Variants in EIF4E observed in about 807,000 individuals in gnomAD.
EIF4E encodes eIF-4F 25 kDa subunit.
For missense variants in EIF4E, 113 were observed against 265.6 expected (o/e 0.43, Z 3.99); for synonymous variants, 71 against 88.5 (o/e 0.80, Z 1.11).
intron 1 of EIF4E, chr4:98,909,522 C>A (rs912452556): frequency 6.6e-6 from 4 of 605,070 alleles, no homozygotes; most frequent in Non-Finnish European, 1.2e-5. Context: ...AAAAAACACC[C>A]TGTACATAAA....
At chr4:98,884,292 G>A (rs543543608) in intron 6 of EIF4E, among the ~76,000 whole-genome samples, 31 of 152,212 alleles carry the variant, frequency 2.0e-4, no homozygotes, top group African/African-American at 7.0e-4. Flanking sequence ...CACTTTCAAA[G>A]TAGGAAATAA....
At chr4:98,910,240 A>C (rs1234578070) in intron 1 of EIF4E, among the ~76,000 whole-genome samples, 2 of 152,198 alleles carry the variant, frequency 1.3e-5, no homozygotes, top group Non-Finnish European at 2.9e-5. Flanking sequence ...TTAACCGAGA[A>C]AGTTGAAATA....
chr4:98,919,645 G>A (rs565552786), intron 1 of EIF4E, among the ~76,000 whole-genome samples: 3 of 144,126 alleles, frequency 2.1e-5, no homozygotes, highest in Admixed American at 1.5e-4. Flanking sequence ...TGCAACCTCC[G>A]CCTCCCAGGT....
At chr4:98,908,875 G>A (rs542496925) in intron 1 of EIF4E, among the ~76,000 whole-genome samples, 4 of 152,238 alleles carry the variant, frequency 2.6e-5, no homozygotes, top group East Asian at 1.9e-4. Context: ...CAGGGTTTAC[G>A]GCTAAGAACA....
intron 1 of EIF4E, among the ~76,000 whole-genome samples, chr4:98,911,857 A>T (rs1456474084): frequency 1.3e-5 from 2 of 150,866 alleles, no homozygotes. Context: ...AGACACAAGA[A>T]ATAACAGATG....
At chr4:98,908,825 G>A (rs1028434205) in intron 1 of EIF4E, among the ~76,000 whole-genome samples, 1 of 152,136 alleles carries the variant, frequency 6.6e-6, no homozygotes, top group Non-Finnish European at 1.5e-5. Flanking sequence ...CAAATCTGAA[G>A]TCCTGGAAAA....
chr4:98,911,944 A>G (rs189191946), intron 1 of EIF4E, among the ~76,000 whole-genome samples: 256 of 151,754 alleles, frequency 1.7e-3, no homozygotes, highest in African/African-American at 5.8e-3. Flanking sequence ...CAGAAGATTC[A>G]TAATTTAAAA....
At chr4:98,882,581 G>A (rs1027070339) in intron 6 of EIF4E, among the ~76,000 whole-genome samples, 1 of 151,218 alleles carries the variant, frequency 6.6e-6, no homozygotes. Context: ...CTAAAATAAG[G>A]TATTAAAAAG....
Position 98,887,115 on chromosome 4 carries a change from C to T in EIF4E, c.363G>A (p.Gln121=). 1 of 1,613,862 alleles carries T rather than the reference C, an allele frequency of 6.2e-7. No individual in the cohort carries two copies. The highest frequency in any genetic ancestry group is 1.7e-4 in the Middle Eastern group (1 of 5,934). ...GRWLITLNKQ[Q]RRSDLDRFWL... ...AAAAGCGATCGAGGTCACTTCGTCT[C>T]TGCTGTTTGTTCAATGTAATTAGCC... The change falls in exon 5 of 7, where the codon CAG becomes CAA. Residue 121 remains glutamine, a synonymous_variant. Transcript: ENST00000450253. The surrounding 1 kb of genome is among the most constrained non-coding windows in gnomAD (Gnocchi z 4.0).
intron 1 of EIF4E, among the ~76,000 whole-genome samples, chr4:98,918,058 C>T (rs1482052341): frequency 2.0e-5 from 3 of 150,152 alleles, no homozygotes; most frequent in Non-Finnish European, 4.4e-5. Context: ...ACAGTGAGAC[C>T]CTGTCTCAAA....
At chr4:98,911,051 CT>C (rs560748230) in intron 1 of EIF4E, among the ~76,000 whole-genome samples, 10 of 142,880 alleles carry the variant, frequency 7.0e-5, no homozygotes, top group South Asian at 6.8e-4. Flanking sequence ...TGGATGAATC[CT>C]TTTTTTTTTC....
At chr4:98,909,958 C>A (rs1259802065) in intron 1 of EIF4E, 1 of 507,364 alleles carries the variant, frequency 2.0e-6, no homozygotes. Context: ...CCTCACAGCA[C>A]CCTCAAATAT....
At chr4:98,888,960 A>T (rs1724035362) in intron 3 of EIF4E, among the ~76,000 whole-genome samples, 1 of 152,156 alleles carries the variant, frequency 6.6e-6, no homozygotes, top group Non-Finnish European at 1.5e-5. Flanking sequence ...GGAGTTCGAG[A>T]CCAGCCTGAC....
rs772463295 is a variant in EIF4E at position 98,887,026 on chromosome 4, T to C, written c.399+53A>G. ...AATGTAAAACATAACATATCTTAAGTATCAGTATTCCAAAACTACCTCTAA... is the reference window on the plus strand; with the variant it reads ...AATGTAAAACATAACATATCTTAAGCATCAGTATTCCAAAACTACCTCTAA... On this transcript the variant is annotated intron_variant, in intron 5 of 6. Transcript: ENST00000450253. This position sits in a 1 kb window ranked among gnomAD's most constrained non-coding sequence, Gnocchi z 4.0. The C allele has an allele frequency of 8.6e-6, 13 of 1,510,238 alleles. No homozygotes were observed. The highest frequency in any genetic ancestry group is 1.1e-5 in the Non-Finnish European group (12 of 1,087,580). 93.6% of individuals were successfully genotyped at this position (1,510,238 alleles called of 1,614,324 possible).
chr4:98,897,367 T>G (rs1380924100), intron 2 of EIF4E, among the ~76,000 whole-genome samples: 1 of 151,982 alleles, frequency 6.6e-6, no homozygotes, highest in African/African-American at 2.4e-5. Context: ...GGTCAGGAGT[T>G]CAAGACCAGC....
rs1333074112 is a variant in EIF4E, at chr4:98,880,851, A to AC, written c.*176_*177insG. On this transcript the variant is annotated 3_prime_UTR_variant, in exon 7 of 7. Transcript: ENST00000450253. ...AACTCTAGCCAAAAAAAAAAAAAAA[A>AC]ATGAACACAGAAGTACAAGACAAAG... is the stretch of plus-strand genomic sequence containing the variant. 2.0e-6 allele frequency: 2 copies of AC among 1,019,784 alleles called. No individual in the cohort carries two copies. Among genetic ancestry groups the AC allele is most frequent in the Non-Finnish European group, 2.7e-6 (2 of 735,302 alleles). 63.2% of individuals were successfully genotyped at this position (1,019,784 alleles called of 1,614,324 possible).
chr4:98,886,414 A>G (rs879863255), intron 5 of EIF4E: 20 of 426,676 alleles, frequency 4.7e-5, no homozygotes, highest in Middle Eastern at 7.7e-4. Context: ...TTGCTTCACT[A>G]ATCTAAAAAG....
At chr4:98,922,473 T>C (rs1423481253) in intron 1 of EIF4E, among the ~76,000 whole-genome samples, 2 of 151,720 alleles carry the variant, frequency 1.3e-5, no homozygotes, top group South Asian at 2.1e-4. Flanking sequence ...GGAGAATCAC[T>C]TGAACCCAGG....
At chr4:98,909,865 T>G in intron 1 of EIF4E, 1 of 652,842 alleles carries the variant, frequency 1.5e-6, no homozygotes, top group Non-Finnish European at 2.8e-6. Flanking sequence ...CCAAGCGCCA[T>G]GAGAAGGGTG....
Sources: allele counts gnomAD v4.1 joint callset (sites outside exome capture counted in the v4.1 genomes callset), GRCh38; gene constraint gnomAD v4.1.1; non-coding constraint Gnocchi (gnomAD v3.1); transcripts MANE v1.5; gene names NCBI Gene and HGNC (gene_info 2026-07-23, HGNC 2026-07-21).